The following LRBA variants were observed in gnomAD, a reference collection of about 807,000 sequenced individuals.
The protein encoded by LRBA is lipopolysaccharide-responsive and beige-like anchor protein.
A neutral mutation model predicts 330.0 loss-of-function variants in LRBA; 176 were observed. That is an observed-to-expected ratio of 0.53 (90% CI 0.47 to 0.60). LRBA has a LOEUF of 0.60. LRBA is among the 20% of genes least tolerant of loss of function. The pLI is 0.00. For synonymous variants in LRBA, 1,230 were observed against 1,193.0 expected, an observed-to-expected ratio of 1.03 and a Z score of -0.64; for missense variants, 3,259 against 3,444.8, an observed-to-expected ratio of 0.95 and a Z score of 1.35.
intron 43 of LRBA, among the ~76,000 whole-genome samples, chr4:150,470,003 T>G (rs1755894206): frequency 6.6e-6 from 1 of 151,992 alleles, no homozygotes; most frequent in Non-Finnish European, 1.5e-5. Context: ...GCCAACATGG[T>G]GAAACCCCGT....
rs76362325 is a variant in LRBA, at chr4:150,709,147, C to T, written c.5755-25430G>A. Among the ~76,000 whole-genome samples, 1,002 of 151,456 alleles carry T rather than the reference C, an allele frequency of 6.6e-3. 6 individuals carry two copies. The highest frequency in any genetic ancestry group is 0.01 in the Non-Finnish European group (699 of 67,758). On this transcript the variant is annotated intron_variant, in intron 36 of 56. Transcript: ENST00000651943. ...AGGGAAATTAAGACTCAGAGAGGTT[C>T]AATGAATTTTATCCAATATTCTCCA...
At chr4:150,592,350 C>T (rs978817690) in intron 38 of LRBA, among the ~76,000 whole-genome samples, 8 of 151,158 alleles carry the variant, frequency 5.3e-5, no homozygotes, top group East Asian at 3.9e-4. Flanking sequence ...AGTACGTTTA[C>T]GGATGATGTT....
At chr4:150,298,798 C>T (rs1005813572) in intron 53 of LRBA, among the ~76,000 whole-genome samples, 2 of 151,786 alleles carry the variant, frequency 1.3e-5, no homozygotes, top group Non-Finnish European at 2.9e-5. Flanking sequence ...AACCAGAATG[C>T]GAGAATGGAA....
At chr4:150,306,360 T>A (rs770657272) in intron 52 of LRBA, among the ~76,000 whole-genome samples, 4 of 152,170 alleles carry the variant, frequency 2.6e-5, no homozygotes, top group Non-Finnish European at 4.4e-5. Flanking sequence ...ACTGATCATA[T>A]GATTTTCCCT....
At chr4:150,746,010 C>T (rs1732668717) in intron 35 of LRBA, among the ~76,000 whole-genome samples, 1 of 152,168 alleles carries the variant, frequency 6.6e-6, no homozygotes, top group Non-Finnish European at 1.5e-5. Context: ...CAAGTGAAAG[C>T]TCCCAGCCCC....
intron 2 of LRBA, among the ~76,000 whole-genome samples, chr4:150,939,439 C>T (rs1443555740): frequency 2.0e-5 from 3 of 152,160 alleles, no homozygotes; most frequent in Non-Finnish European, 4.4e-5. Flanking sequence ...GCCAGCAAAT[C>T]ACCAGAAGTC....
intron 46 of LRBA, among the ~76,000 whole-genome samples, chr4:150,418,729 A>G (rs1748139394): frequency 6.6e-6 from 1 of 152,204 alleles, no homozygotes; most frequent in African/African-American, 2.4e-5. Context: ...TTTAATTTTA[A>G]GAGAGCAGAC....
Position 150,583,970 on chromosome 4 carries a change from G to C in LRBA, c.6330+4078C>G. 1 of 1,614,016 alleles carries C rather than the reference G, an allele frequency of 6.2e-7. No homozygotes were observed. The highest frequency in any genetic ancestry group is 8.5e-7 in the Non-Finnish European group (1 of 1,179,966). On this transcript the variant is annotated intron_variant, in intron 40 of 56. Coordinates refer to ENST00000651943, the MANE Select transcript of LRBA (RefSeq NM_001364905.1). The surrounding 1 kb of genome is among the most constrained non-coding windows in gnomAD (Gnocchi z 9.8). ...CAGCTCATCTCCTGCCTGCAGTGCC[G>C]CCGCTGCCCTCACTACTTTCTGCCC...
chr4:150,350,326 C>T (rs994418648), intron 47 of LRBA, among the ~76,000 whole-genome samples, 167 bp from the exon 48 acceptor site: 11 of 152,276 alleles, frequency 7.2e-5, no homozygotes, highest in Admixed American at 2.0e-4. Flanking sequence ...AATCCCAGCA[C>T]TCTGGGAGGC....
At chr4:150,685,426 T>A (rs1371785919) in intron 36 of LRBA, among the ~76,000 whole-genome samples, 533 of 22,604 alleles carry the variant, frequency 0.024, 2 homozygotes, top group Middle Eastern at 0.042. Flanking sequence ...ATATATTTTT[T>A]TTTTTTTTTT....
intron 48 of LRBA, among the ~76,000 whole-genome samples, chr4:150,342,715 C>G (rs1040207913): frequency 1.3e-5 from 2 of 152,066 alleles, no homozygotes; most frequent in African/African-American, 4.8e-5. Context: ...AAAATGGAAA[C>G]TTTCTCAAGA....
At chr4:151,005,273 G>A (rs943779448) in intron 2 of LRBA, among the ~76,000 whole-genome samples, 2 of 151,706 alleles carry the variant, frequency 1.3e-5, no homozygotes, top group African/African-American at 4.8e-5. Flanking sequence ...GTGAAAGCCT[G>A]TCTCTACTAC....
intron 40 of LRBA, chr4:150,582,624 C>T (rs1771522547): frequency 5.8e-6 from 1 of 172,422 alleles, no homozygotes; most frequent in South Asian, 1.7e-4. Flanking sequence ...TTCCAGATTT[C>T]TGGACAATCT....
Position 150,849,455 on chromosome 4 carries a change from T to C in LRBA, c.4125A>G (p.Ile1375Met). The stretch of plus-strand genomic sequence containing the variant: ...ATGTAGCAGCTGAAAGCAATGGCAG[T>C]ATACCCCCACAAGCCATGACCATAT... ...MDNMVMACGG[I>M]LPLLSAATSA... Residue 1375 changes from isoleucine (I) to methionine (M), a missense_variant, in exon 25 of 57, where the codon ATA becomes ATG. Ile to Met is a conservative substitution (Grantham distance 10, BLOSUM62 1). Transcript: ENST00000651943. 1.9e-6 allele frequency: 3 copies of C among 1,613,948 alleles called. No homozygotes were observed. Among genetic ancestry groups the C allele is most frequent in the Non-Finnish European group, 2.5e-6 (3 of 1,179,834 alleles).
intron 56 of LRBA, among the ~76,000 whole-genome samples, chr4:150,266,231 A>G (rs961878641): frequency 7.9e-5 from 12 of 152,212 alleles, no homozygotes; most frequent in Admixed American, 7.9e-4. Context: ...GAAGCAGCAC[A>G]CACTCAAGTG....
chr4:150,662,698 T>C (rs1334861060), intron 37 of LRBA, among the ~76,000 whole-genome samples: 1 of 152,220 alleles, frequency 6.6e-6, no homozygotes, highest in Non-Finnish European at 1.5e-5. Flanking sequence ...GTGAGGCCAG[T>C]ACCTCAGGCC....
intron 4 of LRBA, among the ~76,000 whole-genome samples, chr4:150,927,291 T>C (rs958666933): frequency 6.7e-6 from 1 of 149,636 alleles, no homozygotes; most frequent in Non-Finnish European, 1.5e-5. Context: ...GAGGATGGCA[T>C]GAACCCGGGA....
At chr4:150,520,442 T>A (rs1762802377) in intron 40 of LRBA, among the ~76,000 whole-genome samples, 1 of 152,188 alleles carries the variant, frequency 6.6e-6, no homozygotes, top group Non-Finnish European at 1.5e-5. Context: ...TACAGATATT[T>A]CAACAAATTA....
chr4:150,908,539 A>T (rs1731596142), intron 10 of LRBA, 72 bp from the exon 11 acceptor site: 2 of 1,488,652 alleles, frequency 1.3e-6, no homozygotes, highest in Non-Finnish European at 1.8e-6. Flanking sequence ...AAGGCACAAC[A>T]ATAAATGCAG....
Sources: allele counts gnomAD v4.1 joint callset (sites outside exome capture counted in the v4.1 genomes callset), GRCh38; gene constraint gnomAD v4.1.1; non-coding constraint Gnocchi (gnomAD v3.1); transcripts MANE v1.5; gene names NCBI Gene and HGNC (gene_info 2026-07-23, HGNC 2026-07-21).